Variants in GREM2 observed in about 807,000 individuals in gnomAD.
GREM2 encodes gremlin 2, DAN family BMP antagonist.
Under a neutral mutation model 14.2 loss-of-function variants are expected in GREM2, and 11 were observed. The ratio of observed to expected loss-of-function variants is 0.78; its 90% CI spans 0.49 to 1.28. The LOEUF is 1.28. Among genes scored for constraint, GREM2 ranks in the 50% most tolerant of loss-of-function variants. The pLI, the probability that GREM2 is intolerant of heterozygous loss-of-function variation, is 0.00. For synonymous variants in GREM2, 98 were observed against 97.6 expected, an observed-to-expected ratio of 1.00 and a Z score of -0.02; for missense variants, 210 against 218.5, an observed-to-expected ratio of 0.96 and a Z score of 0.24.
intron 1 of GREM2, among the ~76,000 whole-genome samples, chr1:240,513,357 G>A (rs1186326975): frequency 2.0e-5 from 3 of 151,858 alleles, no homozygotes; most frequent in Non-Finnish European, 2.9e-5. Flanking sequence ...CGGGCGGATC[G>A]CGAGGTCAAG....
chr1:240,559,730 A>T (rs9887961), intron 1 of GREM2, among the ~76,000 whole-genome samples: 3,459 of 152,166 alleles, frequency 0.023, 117 homozygotes, highest in East Asian at 0.1. Flanking sequence ...AAAAAGTTAA[A>T]TTTTTTTATT....
At chr1:240,547,271 T>C (rs371788263) in intron 1 of GREM2, among the ~76,000 whole-genome samples, 96 of 151,870 alleles carry the variant, frequency 6.3e-4, no homozygotes, top group Admixed American at 2.3e-3. Flanking sequence ...GAGGCCGAGG[T>C]GGGCGGATCA....
intron 1 of GREM2, among the ~76,000 whole-genome samples, chr1:240,590,928 C>A (rs568604851): frequency 6.6e-6 from 1 of 151,860 alleles, no homozygotes. Flanking sequence ...ATTACAGGCA[C>A]GCGCCTCCAT....
chr1:240,603,834 TTATA>T (rs145566989), intron 1 of GREM2, among the ~76,000 whole-genome samples: 1 of 149,702 alleles, frequency 6.7e-6, no homozygotes. Flanking sequence ...TATATGTATT[TTATA>T]TATATATATA....
At chr1:240,553,159 G>T (rs1369580881) in intron 1 of GREM2, among the ~76,000 whole-genome samples, 1 of 152,166 alleles carries the variant, frequency 6.6e-6, no homozygotes, top group Non-Finnish European at 1.5e-5. Context: ...GAGACAGCTG[G>T]TCTTTTCAGA....
At chr1:240,521,313 A>T (rs551344397) in intron 1 of GREM2, among the ~76,000 whole-genome samples, 94 of 152,328 alleles carry the variant, frequency 6.2e-4, no homozygotes, top group Non-Finnish European at 1.0e-3. Flanking sequence ...TCACGCCTGT[A>T]ATCCCAGCAC....
At chr1:240,598,835 C>T (rs1417494862) in intron 1 of GREM2, among the ~76,000 whole-genome samples, 1 of 152,178 alleles carries the variant, frequency 6.6e-6, no homozygotes, top group South Asian at 2.1e-4. Flanking sequence ...AAGAATAATA[C>T]TTGCCCCATA....
intron 1 of GREM2, among the ~76,000 whole-genome samples, chr1:240,525,009 G>A (rs1180293619): frequency 3.3e-5 from 5 of 149,650 alleles, no homozygotes; most frequent in East Asian, 4.0e-4. Flanking sequence ...CATTGACTGT[G>A]AGCCTTAGTT....
At chr1:240,584,099 T>C (rs1389475325) in intron 1 of GREM2, among the ~76,000 whole-genome samples, 1 of 151,778 alleles carries the variant, frequency 6.6e-6, no homozygotes, top group Non-Finnish European at 1.5e-5. Flanking sequence ...AGATCAAAAA[T>C]ATTTGGAGAA....
chr1:240,562,826 G>A (rs893901922), intron 1 of GREM2, among the ~76,000 whole-genome samples: 10 of 148,978 alleles, frequency 6.7e-5, no homozygotes, highest in African/African-American at 2.5e-4. Flanking sequence ...TTGTGTACAC[G>A]TGAGTGTGTG....
intron 1 of GREM2, among the ~76,000 whole-genome samples, chr1:240,563,172 TGTGTGTATGTGTAC>T (rs1679106612): frequency 6.7e-6 from 1 of 148,690 alleles, no homozygotes; most frequent in Admixed American, 6.7e-5. Context: ...TACGTGTGAG[TGTGTGTATGTGTAC>T]GTGTGTGAGT....
chr1:240,593,730 G>A (rs1679757842), intron 1 of GREM2, among the ~76,000 whole-genome samples: 1 of 152,088 alleles, frequency 6.6e-6, no homozygotes, highest in Non-Finnish European at 1.5e-5. Context: ...CCTAGTGTTT[G>A]TAAATGAATA....
intron 1 of GREM2, among the ~76,000 whole-genome samples, chr1:240,501,021 C>G (rs1677559452): frequency 6.6e-6 from 1 of 152,076 alleles, no homozygotes; most frequent in Admixed American, 6.5e-5. Flanking sequence ...TTGGTGTTAC[C>G]AGATTCATCG....
chr1:240,577,855 A>G (rs1679401733), intron 1 of GREM2, among the ~76,000 whole-genome samples: 2 of 152,260 alleles, frequency 1.3e-5, no homozygotes, highest in Admixed American at 1.3e-4. Context: ...AGACACATCT[A>G]TGTGAGCAAA....
At chr1:240,499,581 T>TGGATACTTAGGCTG (rs1677518413) in intron 1 of GREM2, among the ~76,000 whole-genome samples, 1 of 152,192 alleles carries the variant, frequency 6.6e-6, no homozygotes, top group Admixed American at 6.5e-5. Context: ...ATCGATGACT[T>TGGATACTTAGGCTG]GGATTCTTAG....
intron 1 of GREM2, among the ~76,000 whole-genome samples, chr1:240,564,071 T>G (rs575536329): frequency 6.6e-6 from 1 of 152,106 alleles, no homozygotes; most frequent in Admixed American, 6.5e-5. Flanking sequence ...TGGCTGGGTA[T>G]GGTGGTGCAC....
chr1:240,503,508 C>T (rs943161574), intron 1 of GREM2, among the ~76,000 whole-genome samples: 8 of 152,180 alleles, frequency 5.3e-5, no homozygotes, highest in Admixed American at 6.5e-5. Context: ...AAAGATTTCT[C>T]GTCACTTACA....
chr1:240,521,325 T>TTG (rs1678083190), intron 1 of GREM2, among the ~76,000 whole-genome samples: 1 of 152,082 alleles, frequency 6.6e-6, no homozygotes, highest in Non-Finnish European at 1.5e-5. Context: ...TCCCAGCACT[T>TTG]TAGCAGGCCG....
intron 1 of GREM2, among the ~76,000 whole-genome samples, chr1:240,570,704 T>G (rs1323185408): frequency 6.6e-6 from 1 of 152,228 alleles, no homozygotes; most frequent in Non-Finnish European, 1.5e-5. Flanking sequence ...AATCCTGTTT[T>G]ACAATTTCAC....
Sources: allele counts gnomAD v4.1 joint callset (sites outside exome capture counted in the v4.1 genomes callset), GRCh38; gene constraint gnomAD v4.1.1; transcripts MANE v1.5; gene names NCBI Gene and HGNC (gene_info 2026-07-23, HGNC 2026-07-21).